CCDC85A: variants seen among roughly 807,000 people sequenced by gnomAD.
CCDC85A encodes coiled-coil domain-containing protein 85A.
Under a neutral mutation model 50.2 loss-of-function variants are expected in CCDC85A, and 38 were observed. The ratio of observed to expected loss-of-function variants is 0.76; its 90% CI spans 0.58 to 0.99. The LOEUF (loss-of-function observed/expected upper bound fraction) is 0.99. Among genes scored for constraint, CCDC85A ranks in the 50% least tolerant of loss-of-function variants. The pLI, the probability that CCDC85A is intolerant of heterozygous loss-of-function variation, is 0.00. For missense variants in CCDC85A, 820 were observed against 742.0 expected, an observed-to-expected ratio of 1.11 and a Z score of -1.22; for synonymous variants, 366 against 301.4, an observed-to-expected ratio of 1.21 and a Z score of -2.22.
In CCDC85A at chr2:56,385,566, G is replaced by A. The variant is rs72803084; in HGVS notation, c.*1211G>A. On this transcript the variant is annotated 3_prime_UTR_variant, in exon 6 of 6. Coordinates refer to ENST00000407595, the MANE Select transcript of CCDC85A (RefSeq NM_001080433.2). ...CAAGAGGCCTGTGACCGAATGCTAC[G>A]TTTTTATGGTAGTTTAAGATTATAA... is the stretch of plus-strand genomic sequence containing the variant. 8.6e-5 allele frequency: 13 copies of A among 151,814 alleles called. No homozygotes were observed. The highest frequency in any genetic ancestry group is 4.1e-4 in the South Asian group (2 of 4,830). 9.4% of individuals were successfully genotyped at this position (151,814 alleles called of 1,614,324 possible).
intron 3 of CCDC85A, among the ~76,000 whole-genome samples, chr2:56,348,990 A>C (rs1445330856): frequency 6.6e-6 from 1 of 152,216 alleles, no homozygotes; most frequent in Non-Finnish European, 1.5e-5. Flanking sequence ...AAACTGTCAC[A>C]GAGTAAGGCT....
chr2:56,281,644 G>A (rs531796083), intron 2 of CCDC85A, among the ~76,000 whole-genome samples: 2 of 152,172 alleles, frequency 1.3e-5, no homozygotes, highest in African/African-American at 4.8e-5. Context: ...GTGTCCTAAA[G>A]ATTTTGTTTG....
In CCDC85A at chr2:56,384,390, C is replaced by T; in HGVS notation, c.*35C>T. On this transcript the variant is annotated 3_prime_UTR_variant, in exon 6 of 6. Coordinates refer to ENST00000407595, the MANE Select transcript of CCDC85A (RefSeq NM_001080433.2). ...TTTTTCAAACAGGAGATCACCACTG[C>T]CAGAAAGTGATAGAAGACAAGAAGA... 6.5e-7 allele frequency: 1 copy of T among 1,538,936 alleles called. No individual in the cohort carries two copies. Among genetic ancestry groups the T allele is most frequent in the Non-Finnish European group, 8.9e-7 (1 of 1,120,362 alleles).
chr2:56,370,002 A>G (rs1278069564), intron 3 of CCDC85A, among the ~76,000 whole-genome samples: 4 of 152,166 alleles, frequency 2.6e-5, no homozygotes, highest in African/African-American at 4.8e-5. Flanking sequence ...TAAGTAATCT[A>G]TAATTTACTT....
At chr2:56,325,533 A>G (rs1396751120) in intron 2 of CCDC85A, among the ~76,000 whole-genome samples, 1 of 152,120 alleles carries the variant, frequency 6.6e-6, no homozygotes, top group African/African-American at 2.4e-5. Context: ...ACCAAAAATA[A>G]TGTTAACAGT....
chr2:56,201,975 A>G (rs1429597789), intron 2 of CCDC85A, among the ~76,000 whole-genome samples: 1 of 152,188 alleles, frequency 6.6e-6, no homozygotes, highest in East Asian at 1.9e-4. Context: ...GACTAGAAAG[A>G]ATCAAGCTGA....
At chr2:56,333,982 A>C (rs1673951286) in intron 2 of CCDC85A, among the ~76,000 whole-genome samples, 1 of 152,150 alleles carries the variant, frequency 6.6e-6, no homozygotes, top group Non-Finnish European at 1.5e-5. Flanking sequence ...AGTGCTTCTG[A>C]GCACCACCTT....
At chr2:56,369,292 A>G (rs1458285619) in intron 3 of CCDC85A, among the ~76,000 whole-genome samples, 1 of 152,146 alleles carries the variant, frequency 6.6e-6, no homozygotes. Flanking sequence ...AATGTCTTAG[A>G]GAATGTTGTA....
intron 3 of CCDC85A, among the ~76,000 whole-genome samples, chr2:56,350,289 T>C (rs978340042): frequency 2.6e-5 from 4 of 151,616 alleles, no homozygotes; most frequent in Non-Finnish European, 4.4e-5. Flanking sequence ...TGCCTCAGCC[T>C]CCCGGGTGCA....
chr2:56,188,259 AG>A (rs1676137372), intron 1 of CCDC85A, among the ~76,000 whole-genome samples: 1 of 152,248 alleles, frequency 6.6e-6, no homozygotes, highest in Admixed American at 6.5e-5. Flanking sequence ...GCTGTTCATC[AG>A]AAGGCAAAGG....
At chr2:56,214,872 T>C (rs564586115) in intron 2 of CCDC85A, among the ~76,000 whole-genome samples, 39 of 152,064 alleles carry the variant, frequency 2.6e-4, no homozygotes, top group African/African-American at 8.9e-4. Context: ...ATCTTCCTAC[T>C]TAAACTTTAG....
intron 3 of CCDC85A, among the ~76,000 whole-genome samples, chr2:56,363,196 T>TA (rs1289512897): frequency 1.3e-5 from 2 of 152,172 alleles, no homozygotes; most frequent in East Asian, 3.9e-4. Context: ...TTTGTGACAA[T>TA]AAGAGCTCAT....
chr2:56,307,208 A>G (rs1214850758), intron 2 of CCDC85A, among the ~76,000 whole-genome samples: 13 of 152,178 alleles, frequency 8.5e-5, no homozygotes, highest in Admixed American at 8.5e-4. Context: ...TTATTGCACG[A>G]TACAGTCTTA....
chr2:56,357,931 G>A (rs577977979), intron 3 of CCDC85A, among the ~76,000 whole-genome samples: 5 of 152,272 alleles, frequency 3.3e-5, no homozygotes, highest in African/African-American at 1.2e-4. Context: ...TACTGGCCCA[G>A]CATTGAATCC....
intron 2 of CCDC85A, among the ~76,000 whole-genome samples, chr2:56,341,001 G>A (rs894520619): frequency 6.6e-6 from 1 of 152,062 alleles, no homozygotes; most frequent in Non-Finnish European, 1.5e-5. Flanking sequence ...TTTTGACTTG[G>A]GTTTTATACA....
intron 2 of CCDC85A, among the ~76,000 whole-genome samples, chr2:56,241,974 C>T (rs1233569025): frequency 6.6e-6 from 1 of 152,170 alleles, no homozygotes; most frequent in African/African-American, 2.4e-5. Flanking sequence ...TTTTTCTCCA[C>T]ATACTTGCCA....
intron 2 of CCDC85A, among the ~76,000 whole-genome samples, chr2:56,228,509 T>A (rs529409065): frequency 6.6e-6 from 1 of 151,768 alleles, no homozygotes. Context: ...TTCTTCCTCC[T>A]CTTTCTCCCC....
chr2:56,225,652 G>T (rs1179538776), intron 2 of CCDC85A, among the ~76,000 whole-genome samples: 1 of 152,082 alleles, frequency 6.6e-6, no homozygotes, highest in Non-Finnish European at 1.5e-5. Flanking sequence ...TTTAGTGTAG[G>T]CTTGTCATTA....
intron 2 of CCDC85A, among the ~76,000 whole-genome samples, chr2:56,261,849 A>T (rs566612564): frequency 6.6e-6 from 1 of 152,282 alleles, no homozygotes; most frequent in East Asian, 1.9e-4. Flanking sequence ...ACACCCTTTC[A>T]TGATATCCTT....
Sources: allele counts gnomAD v4.1 joint callset (sites outside exome capture counted in the v4.1 genomes callset), GRCh38; gene constraint gnomAD v4.1.1; transcripts MANE v1.5; gene names NCBI Gene and HGNC (gene_info 2026-07-23, HGNC 2026-07-21).